The following SLC39A9 variants were observed in gnomAD, a reference collection of about 807,000 sequenced individuals.
SLC39A9 encodes zinc transporter ZIP9.
In SLC39A9, 14 loss-of-function variants were observed where a neutral mutation model predicts 28.4. That is an observed-to-expected ratio of 0.49 (90% CI 0.33 to 0.77). The LOEUF is 0.77. Ranked by LOEUF, SLC39A9 falls within the 30% of genes least tolerant of loss-of-function variation. The probability of loss-of-function intolerance (pLI) is 0.02; values close to 1 mark genes in which losing one functional copy is unlikely to be tolerated. For missense variants in SLC39A9, 283 were observed against 381.1 expected, an observed-to-expected ratio of 0.74 and a Z score of 2.14; for synonymous variants, 119 against 149.6, an observed-to-expected ratio of 0.80 and a Z score of 1.49.
chr14:69,411,934 C>CCGTG (rs1883288188), intron 1 of SLC39A9, among the ~76,000 whole-genome samples: 7 of 151,880 alleles, frequency 4.6e-5, no homozygotes, highest in Admixed American at 4.6e-4. Flanking sequence ...AGGCACATGC[C>CCGTG]ACCATGCCCA....
chr14:69,432,268 A>G (rs779984683), intron 2 of SLC39A9, among the ~76,000 whole-genome samples: 1 of 152,162 alleles, frequency 6.6e-6, no homozygotes, highest in African/African-American at 2.4e-5. Context: ...TTGGTGTAAG[A>G]TGATATCTTA....
In SLC39A9 at chr14:69,417,562, G is replaced by A. The variant is rs1490824530; in HGVS notation, c.97-6532G>A. 2.6e-5 allele frequency among the ~76,000 whole-genome samples: 4 copies of A among 152,172 alleles called. No homozygotes were observed. In the South Asian group the frequency reaches 8.3e-4, roughly 32 times the overall value. ...GCAGTGAATCTGTAAATTACCTTGG[G>A]CAGTATGGCCATTTTCATGATATTG... On this transcript the variant is annotated intron_variant, in intron 1 of 6. Coordinates refer to ENST00000336643, the MANE Select transcript of SLC39A9 (RefSeq NM_018375.5).
At chr14:69,451,119 T>G (rs1486184157) in intron 3 of SLC39A9, among the ~76,000 whole-genome samples, 1 of 152,240 alleles carries the variant, frequency 6.6e-6, no homozygotes. Flanking sequence ...CACAGTGTAA[T>G]TTGACTGTTC....
At chr14:69,416,005 T>G (rs1413867241) in intron 1 of SLC39A9, among the ~76,000 whole-genome samples, 2 of 152,112 alleles carry the variant, frequency 1.3e-5, no homozygotes, top group African/African-American at 4.8e-5. Flanking sequence ...TGTGCCATGT[T>G]GGTTTGCTGC....
chr14:69,448,349 A>G (rs1885444709), intron 3 of SLC39A9, among the ~76,000 whole-genome samples: 1 of 152,184 alleles, frequency 6.6e-6, no homozygotes, highest in Admixed American at 6.5e-5. Flanking sequence ...TTGGAGGAAT[A>G]TAACAAAATC....
chr14:69,455,994 A>G (rs1885838476), intron 6 of SLC39A9, 128 bp downstream of exon 6: 20 of 1,092,070 alleles, frequency 1.8e-5, no homozygotes, highest in Admixed American at 1.0e-4. Context: ...AGTAAAAACT[A>G]TACAGGGTAA....
chr14:69,454,207 T>C (rs896739562), intron 4 of SLC39A9, among the ~76,000 whole-genome samples: 12 of 152,234 alleles, frequency 7.9e-5, no homozygotes, highest in African/African-American at 2.7e-4. Flanking sequence ...ACAAATTTCA[T>C]TCATTCAACC....
intron 3 of SLC39A9, among the ~76,000 whole-genome samples, chr14:69,442,697 C>CT (rs1885105937): frequency 6.6e-6 from 1 of 152,152 alleles, no homozygotes; most frequent in Non-Finnish European, 1.5e-5. Context: ...TAATGTATGT[C>CT]TTTATCAGTG....
At chr14:69,415,584 C>G (rs925349783) in intron 1 of SLC39A9, among the ~76,000 whole-genome samples, 8 of 152,190 alleles carry the variant, frequency 5.3e-5, no homozygotes, top group Non-Finnish European at 1.0e-4. Flanking sequence ...CTGGAATACT[C>G]TCAGTTTACA....
intron 4 of SLC39A9, among the ~76,000 whole-genome samples, chr14:69,453,865 G>A (rs1350249764): frequency 6.6e-6 from 1 of 152,208 alleles, no homozygotes; most frequent in Non-Finnish European, 1.5e-5. Flanking sequence ...ACAGTTGCAA[G>A]AGACCAAATA....
rs866140594 is a variant in SLC39A9, at chr14:69,424,125, C to G, written c.128C>G (p.Ala43Gly). Residue 43 changes from alanine to glycine, a missense_variant, in exon 2 of 7, where the codon GCT becomes GGT. By Grantham distance (60) the Ala-to-Gly change is moderately conservative. Transcript: ENST00000336643. ...CTGAAGCTGGTGACTGTTTTGGGTGCTGGCCTTCTCTGTGGAACTGCTCTG... is the reference window on the plus strand; with the variant it reads ...CTGAAGCTGGTGACTGTTTTGGGTGGTGGCCTTCTCTGTGGAACTGCTCTG... Reference protein sequence around the residue: ...ERLKLVTVLGAGLLCGTALAV... With the variant: ...ERLKLVTVLGGGLLCGTALAV... 12 of 1,613,718 alleles carry G rather than the reference C, an allele frequency of 7.4e-6. No individual in the cohort carries two copies. In the Middle Eastern group the frequency reaches 6.6e-4, roughly 88 times the overall value.
At chr14:69,398,405 A>G, upstream of SLC39A9, 1 of 824,876 alleles carries the variant, frequency 1.2e-6, no homozygotes, top group South Asian at 1.6e-5. Flanking sequence ...CGGCAGCTAG[A>G]GCAGCTACTG....
At chr14:69,453,357 G>A in intron 4 of SLC39A9, 48 bp downstream of exon 4, 1 of 1,550,162 alleles carries the variant, frequency 6.5e-7, no homozygotes, top group Non-Finnish European at 8.9e-7. Context: ...TCGCACAGGG[G>A]AGACCTTAGT....
chr14:69,440,298 A>G (rs574473238), intron 2 of SLC39A9, among the ~76,000 whole-genome samples: 1 of 152,062 alleles, frequency 6.6e-6, no homozygotes, highest in Non-Finnish European at 1.5e-5. Flanking sequence ...AAACATAAGA[A>G]TAGTGTCAGG....
intron 1 of SLC39A9, among the ~76,000 whole-genome samples, chr14:69,406,858 T>TTTG (rs1166319876): frequency 6.5e-5 from 9 of 139,000 alleles, no homozygotes; most frequent in Non-Finnish European, 3.1e-5. Context: ...GTTTTTTTTT[T>TTTG]TTTTTTTTTT....
At chr14:69,438,528 C>G (rs1292131464) in intron 2 of SLC39A9, among the ~76,000 whole-genome samples, 1 of 152,024 alleles carries the variant, frequency 6.6e-6, no homozygotes, top group Non-Finnish European at 1.5e-5. Context: ...AAAAAGGAAC[C>G]TCTTACTCTT....
At chr14:69,398,535 C>T, upstream of SLC39A9, 1 of 534,512 alleles carries the variant, frequency 1.9e-6, no homozygotes, top group East Asian at 3.3e-5. Context: ...ACATACGGCT[C>T]AAGTGATCAC....
chr14:69,405,151 G>A (rs1244812222), intron 1 of SLC39A9, among the ~76,000 whole-genome samples: 2 of 152,090 alleles, frequency 1.3e-5, no homozygotes, highest in South Asian at 2.1e-4. Context: ...CAGGTCCCTC[G>A]CATGGGAACT....
At chr14:69,456,867 G>A (rs777009409) in intron 6 of SLC39A9, among the ~76,000 whole-genome samples, 2 of 152,082 alleles carry the variant, frequency 1.3e-5, no homozygotes, top group Non-Finnish European at 2.9e-5. Flanking sequence ...GTTAAGCAAG[G>A]GTTTGTTGAT....
Sources: gnomAD v4.1 joint callset for allele counts (sites outside exome capture counted in the v4.1 genomes callset) on GRCh38, gnomAD v4.1.1 for gene constraint, MANE v1.5 for transcripts, NCBI Gene and HGNC (gene_info 2026-07-23, HGNC 2026-07-21) for gene names.